Variants in ADAM18 observed in about 807,000 individuals in gnomAD.
ADAM18 encodes the protein ADAM metallopeptidase domain 18, also known as disintegrin and metalloproteinase domain-containing protein 18.
Under a neutral mutation model 94.4 loss-of-function variants are expected in ADAM18, and 117 were observed. The ratio of observed to expected loss-of-function variants is 1.24; its 90% CI spans 1.07 to 1.45. The LOEUF (loss-of-function observed/expected upper bound fraction) is 1.45. Among genes scored for constraint, ADAM18 ranks in the 40% most tolerant of loss-of-function variants. The probability of loss-of-function intolerance (pLI) is 0.00; values close to 1 mark genes in which losing one functional copy is unlikely to be tolerated. For missense variants in ADAM18, 936 were observed against 880.0 expected (o/e 1.06, Z -0.81); for synonymous variants, 327 against 291.6 (o/e 1.12, Z -1.24).
intron 14 of ADAM18, among the ~76,000 whole-genome samples, chr8:39,671,689 G>C (rs2129580311): frequency 6.6e-6 from 1 of 152,260 alleles, no homozygotes; most frequent in African/African-American, 2.4e-5. Context: ...GCTTAGATCT[G>C]ATTCCTCCCC....
At chr8:39,650,701 C>T (rs1820508232) in intron 12 of ADAM18, among the ~76,000 whole-genome samples, 2 of 152,190 alleles carry the variant, frequency 1.3e-5, no homozygotes, top group Non-Finnish European at 2.9e-5. Context: ...GTTAAAATAT[C>T]TATAGTGGCT....
rs1232203649 is a variant in ADAM18 at position 39,606,290 on chromosome 8, G to C, written c.133-17G>C. On this transcript the variant is annotated splice_polypyrimidine_tract_variant and intron_variant, in intron 2 of 19. Coordinates refer to ENST00000265707, the MANE Select transcript of ADAM18 (RefSeq NM_014237.3). The stretch of plus-strand genomic sequence containing the variant: ...TCTGGTTTCCTTCACAATCTTTACT[G>C]ATGTGTTTTATTTTAGATGATTTAC... 1.4e-6 allele frequency: 2 copies of C among 1,426,580 alleles called. No homozygotes were observed. The highest frequency in any genetic ancestry group is 2.1e-5 in the Admixed American group (1 of 47,324). 88.4% of individuals were successfully genotyped at this position (1,426,580 alleles called of 1,614,324 possible).
chr8:39,585,465 T>G (rs1460456303), intron 2 of ADAM18, 113 bp downstream of exon 2: 1 of 778,138 alleles, frequency 1.3e-6, no homozygotes, highest in Non-Finnish European at 2.1e-6. Context: ...CATAATATTT[T>G]GCCTGTGCTA....
At chr8:39,617,550 T>C (rs1234580342) in intron 6 of ADAM18, among the ~76,000 whole-genome samples, 3 of 152,130 alleles carry the variant, frequency 2.0e-5, no homozygotes, top group African/African-American at 7.2e-5. Context: ...ATACTTATCA[T>C]AGTACTATTC....
At chr8:39,628,416 A>AATAGATAG (rs10689403) in intron 6 of ADAM18, among the ~76,000 whole-genome samples, 4,727 of 148,250 alleles carry the variant, frequency 0.032, 82 homozygotes, top group African/African-American at 0.045. Flanking sequence ...CTGATAGATC[A>AATAGATAG]ATAGATAGAT....
rs1018010453 is a variant in ADAM18 at position 39,596,400 on chromosome 8, T to C, written c.133-9907T>C. On this transcript the variant is annotated intron_variant, in intron 2 of 19. Transcript: ENST00000265707. ...TTTACAGTCTCTATAGTTTGGCCTTTTCCAGAGTGTGTTATAATTGGAATC... is the reference window on the plus strand; with the variant it reads ...TTTACAGTCTCTATAGTTTGGCCTTCTCCAGAGTGTGTTATAATTGGAATC... Among the ~76,000 whole-genome samples, 4 of 152,346 alleles carry C rather than the reference T, an allele frequency of 2.6e-5. No homozygotes were observed. The South Asian group carries it at 6.2e-4, about 24-fold the overall frequency.
intron 12 of ADAM18, among the ~76,000 whole-genome samples, 197 bp from the exon 13 acceptor site, chr8:39,663,598 C>CAAAAAAAAAAAAAAAAAAAA (rs10597769): frequency 5.1e-5 from 1 of 19,592 alleles, no homozygotes; most frequent in Non-Finnish European, 8.3e-5. Flanking sequence ...AATCCTGTCT[C>CAAAAAAAAAAAAAAAAAAAA]AAAAAAAAAA....
chr8:39,612,023 A>G (rs1819289870), intron 6 of ADAM18, among the ~76,000 whole-genome samples: 1 of 152,212 alleles, frequency 6.6e-6, no homozygotes, highest in Non-Finnish European at 1.5e-5. Context: ...CAAAACAACT[A>G]GAAAACAAAT....
chr8:39,602,797 A>G (rs1395392886), intron 2 of ADAM18, among the ~76,000 whole-genome samples: 2 of 151,996 alleles, frequency 1.3e-5, no homozygotes, highest in East Asian at 3.9e-4. Context: ...TAGTATTTTC[A>G]CAAAAATGAA....
rs1332920395 is a variant in ADAM18 at position 39,729,995 on chromosome 8, A to G, written c.*55A>G. On this transcript the variant is annotated 3_prime_UTR_variant, in exon 20 of 20. Transcript: ENST00000265707. The stretch of plus-strand genomic sequence containing the variant: ...CTAAAGGAACGAATGTGCTTTATTT[A>G]TAACCTTACGTTATCCCCAATGCAT... 1 of 1,546,138 alleles carries G rather than the reference A, an allele frequency of 6.5e-7. No individual in the cohort carries two copies. Among genetic ancestry groups the G allele is most frequent in the African/African-American group, 1.4e-5 (1 of 73,406 alleles).
rs572451107 is a variant in ADAM18, at chr8:39,637,203, A to G, written c.589-61A>G. ...ATAATATCTAATACAATGCCTAAATATCATTTCATTCACATGGATTCAAAA... is the reference window on the plus strand; with the variant it reads ...ATAATATCTAATACAATGCCTAAATGTCATTTCATTCACATGGATTCAAAA... On this transcript the variant is annotated intron_variant, in intron 7 of 19. Transcript: ENST00000265707. The G allele has an allele frequency of 6.2e-6, 8 of 1,292,154 alleles. No homozygotes were observed. The African/African-American group carries it at 9.0e-5, about 15-fold the overall frequency. The allele number at this position is 1,292,154 out of a possible 1,614,324, so 80.0% of individuals were successfully genotyped here. A position where few individuals can be genotyped will look rare whatever the true frequency, so the allele number is the denominator to read the frequency against.
chr8:39,629,629 C>A (rs1016808397), intron 7 of ADAM18, among the ~76,000 whole-genome samples, 190 bp downstream of exon 7: 13 of 150,614 alleles, frequency 8.6e-5, no homozygotes, highest in Admixed American at 4.0e-4. Flanking sequence ...CCTTCCTCTA[C>A]CCCTCCTTCA....
At position 39,618,881 on chromosome 8, in the gene ADAM18, G is replaced by A. The variant is rs541426758; in HGVS notation, c.522+8175G>A. Among the ~76,000 whole-genome samples, 36 of 152,272 alleles carry A rather than the reference G, an allele frequency of 2.4e-4. No individual in the cohort carries two copies. In the East Asian group the frequency reaches 2.7e-3, roughly 11 times the overall value. The stretch of plus-strand genomic sequence containing the variant: ...CTCTGCAGGGGGAAGCACATCACGC[G>A]CTGTTGGCTCATTCTGGCAGTCCAA... On this transcript the variant is annotated intron_variant, in intron 6 of 19. Coordinates refer to ENST00000265707, the MANE Select transcript of ADAM18 (RefSeq NM_014237.3).
Position 39,659,008 on chromosome 8 carries a change from T to C in ADAM18, c.1231-4787T>C, listed in dbSNP as rs563532517. ...GATGAATAATAAATGTAAAGAACAC[T>C]TCACATTTCCAACTTGATCTCTTGC... On this transcript the variant is annotated intron_variant, in intron 12 of 19. Coordinates refer to ENST00000265707, the MANE Select transcript of ADAM18 (RefSeq NM_014237.3). 5.9e-5 allele frequency among the ~76,000 whole-genome samples: 9 copies of C among 152,304 alleles called. No homozygotes were observed. The East Asian group carries it at 1.7e-3, about 29-fold the overall frequency.
chr8:39,585,763 A>G (rs1207191840), intron 2 of ADAM18, among the ~76,000 whole-genome samples: 1 of 152,236 alleles, frequency 6.6e-6, no homozygotes, highest in Non-Finnish European at 1.5e-5. Flanking sequence ...ATAGCACGTA[A>G]TGTACAAAGA....
intron 16 of ADAM18, among the ~76,000 whole-genome samples, chr8:39,682,293 G>T (rs192211071): frequency 6.6e-6 from 1 of 152,300 alleles, no homozygotes. Context: ...ATATTTGTGA[G>T]CATGTCTTTT....
At chr8:39,673,419 T>A (rs1821209572) in intron 14 of ADAM18, among the ~76,000 whole-genome samples, 1 of 152,120 alleles carries the variant, frequency 6.6e-6, no homozygotes, top group South Asian at 2.1e-4. Context: ...GCTGCACCCA[T>A]CAACTCATCA....
At chr8:39,650,812 C>T (rs114848501) in intron 12 of ADAM18, among the ~76,000 whole-genome samples, 1 of 152,154 alleles carries the variant, frequency 6.6e-6, no homozygotes, top group Non-Finnish European at 1.5e-5. Flanking sequence ...TGGCCTCCCC[C>T]TCCACACCTG....
chr8:39,706,618 G>T (rs1009650346), intron 17 of ADAM18, among the ~76,000 whole-genome samples, 172 bp from the exon 18 acceptor site: 4 of 152,006 alleles, frequency 2.6e-5, no homozygotes, highest in African/African-American at 9.7e-5. Context: ...CCATTATGTT[G>T]TCAAAATTTT....
Sources: allele counts gnomAD v4.1 joint callset (sites outside exome capture counted in the v4.1 genomes callset), GRCh38; gene constraint gnomAD v4.1.1; transcripts MANE v1.5; gene names NCBI Gene and HGNC (gene_info 2026-07-23, HGNC 2026-07-21).